PDPR: variants seen among roughly 807,000 people sequenced by gnomAD.
PDPR encodes the protein pyruvate dehydrogenase phosphatase regulatory subunit, mitochondrial.
Under a neutral mutation model 102.2 loss-of-function variants are expected in PDPR, and 50 were observed. The ratio of observed to expected loss-of-function variants is 0.49; its 90% confidence interval spans 0.39 to 0.62. PDPR has a LOEUF of 0.62. Among genes scored for constraint, PDPR ranks in the 20% least tolerant of loss-of-function variants. The probability of loss-of-function intolerance (pLI) is 0.00; values close to 1 mark genes in which losing one functional copy is unlikely to be tolerated. For synonymous variants in PDPR, 259 were observed against 406.0 expected (o/e 0.64, Z 4.35); for missense variants, 625 against 1,098.2 (o/e 0.57, Z 6.09).
rs1389402689 is a variant in PDPR at position 70,161,913 on chromosome 16, C to T, written c.*5034C>T. ...TCCTGTCTGTCAAAGACAGAAATTA[C>T]AGGAGATAGGGAGGGTTTTTTAGCA... On this transcript the variant is annotated 3_prime_UTR_variant, in exon 19 of 19. Coordinates refer to ENST00000288050, the MANE Select transcript of PDPR (RefSeq NM_017990.5). 1 of 152,378 alleles carries T rather than the reference C, an allele frequency of 6.6e-6. No individual in the cohort carries two copies. The highest frequency in any genetic ancestry group is 1.5e-5 in the Non-Finnish European group (1 of 68,096). 9.4% of individuals were successfully genotyped at this position (152,378 alleles called of 1,614,324 possible). A position where few individuals can be genotyped will look rare whatever the true frequency, so the allele number is the denominator to read the frequency against.
At chr16:70,144,655 G>A (rs1966063708) in intron 15 of PDPR, 122 bp downstream of exon 15, 1 of 591,350 alleles carries the variant, frequency 1.7e-6, no homozygotes, top group Non-Finnish European at 3.1e-6. Context: ...GAGGCTCTCT[G>A]GTCATAGAAA....
chr16:70,141,015 T>C (rs1236771587), intron 11 of PDPR, among the ~76,000 whole-genome samples: 1 of 152,264 alleles, frequency 6.6e-6, no homozygotes, highest in Non-Finnish European at 1.5e-5. Context: ...TCTTCTGGCT[T>C]TTTTTACTTA....
chr16:70,138,106 A>G (rs113075639), intron 10 of PDPR, among the ~76,000 whole-genome samples: 2 of 150,232 alleles, frequency 1.3e-5, no homozygotes, highest in African/African-American at 5.0e-5. Context: ...CAATGGCACA[A>G]TCTCGGCTCA....
At chr16:70,136,756 G>GT (rs1965182434) in intron 10 of PDPR, among the ~76,000 whole-genome samples, 1 of 152,142 alleles carries the variant, frequency 6.6e-6, no homozygotes, top group Non-Finnish European at 1.5e-5. Flanking sequence ...CGGTTTGTTT[G>GT]TTTTTTTAGA....
chr16:70,156,800 A>C lies in PDPR; in HGVS notation c.2561A>C (p.Lys854Thr). Reference protein sequence around the residue: ...IAGYRFQAKAKLYPVASLFTQ... With the variant: ...IAGYRFQAKATLYPVASLFTQ... ...GGATACCGCTTCCAGGCCAAGGCCA[A>C]GCTCTACCCTGTCGCCTCCCTCTTC... Residue 854 changes from lysine to threonine, a missense_variant, in exon 19 of 19, where the codon AAG becomes ACG. This residue lies in a region of PDPR where 303 missense variants were observed against 258.9 expected (regional missense o/e 1.17). Coordinates refer to ENST00000288050, the MANE Select transcript of PDPR (RefSeq NM_017990.5). 6.2e-7 allele frequency: 1 copy of C among 1,614,078 alleles called. No homozygotes were observed. The highest frequency in any genetic ancestry group is 8.5e-7 in the Non-Finnish European group (1 of 1,179,908).
intron 18 of PDPR, among the ~76,000 whole-genome samples, chr16:70,156,077 A>G (rs1247993657): frequency 6.6e-6 from 1 of 152,184 alleles, no homozygotes; most frequent in Non-Finnish European, 1.5e-5. Context: ...TTTAGTAGAG[A>G]TGAGGTTTGC....
intron 17 of PDPR, among the ~76,000 whole-genome samples, chr16:70,151,216 G>A (rs545230828): frequency 6.6e-6 from 1 of 152,374 alleles, no homozygotes; most frequent in East Asian, 1.9e-4. Context: ...TTACAGGCAT[G>A]AGCCACCGCA....
rs1281808761 is a variant in PDPR, at chr16:70,153,502, T to TG, written c.2168dup (p.Gln724SerfsTer5). 1 of 1,612,980 alleles carries TG rather than the reference T, an allele frequency of 6.2e-7. No homozygotes were observed. Among genetic ancestry groups the TG allele is most frequent in the East Asian group, 2.2e-5 (1 of 44,850 alleles). On this transcript the variant is annotated frameshift_variant, in exon 18 of 19. Coordinates refer to ENST00000288050, the MANE Select transcript of PDPR (RefSeq NM_017990.5). LOFTEE classifies it high-confidence loss of function. ...CCGAATTGAGAAGTTTTTTGCCTTCTGGGGTCAGGATATAAATAACCTCAC... is the reference window on the plus strand; with the variant it reads ...CCGAATTGAGAAGTTTTTTGCCTTCTGGGGGTCAGGATATAAATAACCTCAC...
intron 17 of PDPR, among the ~76,000 whole-genome samples, chr16:70,149,178 A>T (rs1966496939): frequency 6.6e-6 from 1 of 151,764 alleles, no homozygotes; most frequent in African/African-American, 2.4e-5. Flanking sequence ...TATAGGTGTG[A>T]GCCACCATAC....
At chr16:70,151,830 A>T (rs542351679) in intron 17 of PDPR, among the ~76,000 whole-genome samples, 3 of 152,318 alleles carry the variant, frequency 2.0e-5, no homozygotes, top group Non-Finnish European at 4.4e-5. Context: ...CTTCCAAAAC[A>T]TGGGGGCAGA....
At chr16:70,117,388 G>T (rs1962754097) in intron 2 of PDPR, among the ~76,000 whole-genome samples, 2 of 149,656 alleles carry the variant, frequency 1.3e-5, no homozygotes, top group South Asian at 4.2e-4. Flanking sequence ...CATGGTGGTG[G>T]GTGCCTGTAG....
At chr16:70,118,992 C>T (rs777155085) in intron 2 of PDPR, among the ~76,000 whole-genome samples, 9 of 152,058 alleles carry the variant, frequency 5.9e-5, no homozygotes, top group East Asian at 1.9e-4. Flanking sequence ...GCAGTGGAGG[C>T]GGTAAGGAGA....
At chr16:70,115,423 A>G (rs896611162) in intron 2 of PDPR, among the ~76,000 whole-genome samples, 2 of 152,208 alleles carry the variant, frequency 1.3e-5, no homozygotes, top group Admixed American at 1.3e-4. Flanking sequence ...CGCTCGGCCA[A>G]CTTGTGTTAA....
At position 70,127,300 on chromosome 16, in the gene PDPR, A is replaced by C. The variant is rs1964076547; in HGVS notation, c.268A>C (p.Ser90Arg). ...GSTRFCAGIL[S>R]TARHLTIEQK... ...TACCAGGTTCTGTGCTGGCATCCTG[A>C]GCACTGCCAGGCACTTGACCATTGA... Residue 90 changes from serine (S) to arginine (R), a missense_variant, in exon 4 of 19, where the codon AGC (serine) becomes CGC (arginine). Ser to Arg is a moderately radical substitution (Grantham distance 110). This residue lies in a region of PDPR where 24 missense variants were observed against 61.7 expected (regional missense o/e 0.39). Coordinates refer to ENST00000288050, the MANE Select transcript of PDPR (RefSeq NM_017990.5). 6.2e-7 allele frequency: 1 copy of C among 1,609,232 alleles called. No homozygotes were observed. Among genetic ancestry groups the C allele is most frequent in the South Asian group, 1.1e-5 (1 of 90,810 alleles).
At position 70,156,528 on chromosome 16, in the gene PDPR, G is replaced by T; in HGVS notation, c.2289G>T (p.Val763=). The T allele has an allele frequency of 6.2e-7, 1 of 1,614,094 alleles. No homozygotes were observed. The highest frequency in any genetic ancestry group is 8.5e-7 in the Non-Finnish European group (1 of 1,179,904). ...DALLQQKQNG[V]YKRLTMFILD... is the part of the protein sequence containing the mutation. ...TCCTGCAGCAGAAGCAGAATGGAGT[G>T]TATAAACGCCTCACCATGTTCATCC... Residue 763 remains valine, a synonymous_variant, in exon 19 of 19, where the codon GTG becomes GTT. Coordinates refer to ENST00000288050, the MANE Select transcript of PDPR (RefSeq NM_017990.5).
intron 3 of PDPR, among the ~76,000 whole-genome samples, chr16:70,122,029 C>T (rs1242686921): frequency 6.6e-6 from 1 of 152,226 alleles, no homozygotes; most frequent in African/African-American, 2.4e-5. Context: ...CTCTGTCACC[C>T]AGGCTGGAGT....
rs752809441 is a variant in PDPR at position 70,120,589 on chromosome 16, G to C, written c.97G>C (p.Glu33Gln). The stretch of plus-strand genomic sequence containing the variant: ...TGCAAGAAACAGCACGTCAGCTGCC[G>C]AGGCGCGTTCCATGGCCCTGCCCAC... ...SSARNSTSAAEARSMALPTQA... is the reference protein window; with the variant it reads ...SSARNSTSAAQARSMALPTQA... The change falls in exon 3 of 19, where the codon GAG becomes CAG. Residue 33 changes from glutamate (E) to glutamine (Q), a missense_variant. Transcript: ENST00000288050. The C allele has an allele frequency of 6.8e-6, 11 of 1,613,878 alleles. No homozygotes were observed. The highest frequency in any genetic ancestry group is 2.5e-6 in the Non-Finnish European group (3 of 1,179,862).
rs1967863971 is a variant in PDPR at position 70,162,286 on chromosome 16, C to G, written c.*5407C>G. ...CTCATCGTTTGTGTTTGTCAATTTG[C>G]AGTTCAGCTTAGCCCTTCCCTGTTC... On this transcript the variant is annotated 3_prime_UTR_variant, in exon 19 of 19. Transcript: ENST00000288050. 6.5e-6 allele frequency: 1 copy of G among 152,698 alleles called. No homozygotes were observed. Among genetic ancestry groups the G allele is most frequent in the African/African-American group, 2.4e-5 (1 of 41,478 alleles). 9.5% of individuals were successfully genotyped at this position (152,698 alleles called of 1,614,324 possible).
intron 10 of PDPR, among the ~76,000 whole-genome samples, chr16:70,138,038 CTTTTTTT>C (rs200071207): frequency 1.7e-4 from 20 of 118,360 alleles, no homozygotes; most frequent in Non-Finnish European, 2.7e-4. Context: ...ATACCCAGCT[CTTTTTTT>C]TTTTTTTTTT....
Sources: allele counts gnomAD v4.1 joint callset (sites outside exome capture counted in the v4.1 genomes callset), GRCh38; gene constraint gnomAD v4.1.1; regional missense constraint gnomAD v4.1.1; transcripts MANE v1.5; gene names NCBI Gene and HGNC (gene_info 2026-07-23, HGNC 2026-07-21).